LEPR: variants seen among roughly 807,000 people sequenced by gnomAD.
LEPR encodes OB receptor.
LEPR carries 56 observed loss-of-function variants against 114.7 expected under a neutral mutation model. The ratio of observed to expected loss-of-function variants is 0.49; its 90% CI spans 0.39 to 0.61. The LOEUF (loss-of-function observed/expected upper bound fraction) is 0.61, where lower values mean the gene tolerates loss of function less well. Among genes scored for constraint, LEPR ranks in the 20% least tolerant of loss-of-function variants. The pLI is 0.00. For synonymous variants in LEPR, 443 were observed against 461.4 expected (o/e 0.96, Z 0.51); for missense variants, 1,202 against 1,352.9 (o/e 0.89, Z 1.75).
intron 2 of LEPR, among the ~76,000 whole-genome samples, chr1:65,484,374 A>G (rs1647367130): frequency 6.6e-6 from 1 of 152,190 alleles, no homozygotes; most frequent in African/African-American, 2.4e-5. Flanking sequence ...TTTGTTACAT[A>G]TACATGCCTC....
chr1:65,496,203 T>A (rs78109122), intron 2 of LEPR, among the ~76,000 whole-genome samples: 7,212 of 152,188 alleles, frequency 0.047, 551 homozygotes, highest in African/African-American at 0.16. Context: ...CAATTTTTTT[T>A]AAAAAGCCAC....
intron 2 of LEPR, chr1:65,432,663 T>C: frequency 1.0e-6 from 1 of 983,788 alleles, no homozygotes. Context: ...TTATGAAAAG[T>C]GTTCTCAGAA....
At chr1:65,569,895 T>C (rs190396358) in intron 3 of LEPR, among the ~76,000 whole-genome samples, 1 of 152,124 alleles carries the variant, frequency 6.6e-6, no homozygotes, top group East Asian at 1.9e-4. Flanking sequence ...GCATGTCTTA[T>C]ATGATGATGT....
chr1:65,431,293 A>G (rs1646479918), intron 2 of LEPR, among the ~76,000 whole-genome samples: 1 of 152,208 alleles, frequency 6.6e-6, no homozygotes, highest in Admixed American at 6.5e-5. Context: ...AATGCCCACT[A>G]GAGGGTACTC....
chr1:65,545,076 G>A lies in LEPR; in HGVS notation c.-20-20470G>A, dbSNP rs1210980900. ...GCGGTGTTTGGTTTTTTGTTCTTGC[G>A]ATAGTTTACTGAGAATGATGATTTC... On this transcript the variant is annotated intron_variant, in intron 2 of 19. Coordinates refer to ENST00000349533, the MANE Select transcript of LEPR (RefSeq NM_002303.6). Among the ~76,000 whole-genome samples the A allele has an allele frequency of 1.2e-4, 18 of 150,242 alleles. No individual in the cohort carries two copies. The East Asian group carries it at 2.0e-3, about 16-fold the overall frequency.
At chr1:65,459,096 C>T (rs1471236983) in intron 2 of LEPR, among the ~76,000 whole-genome samples, 1 of 152,162 alleles carries the variant, frequency 6.6e-6, no homozygotes, top group African/African-American at 2.4e-5. Context: ...TGCATGTATT[C>T]CTGTCTGTCT....
At chr1:65,514,880 G>A (rs1381134596) in intron 2 of LEPR, among the ~76,000 whole-genome samples, 5 of 152,144 alleles carry the variant, frequency 3.3e-5, no homozygotes, top group African/African-American at 7.2e-5. Context: ...AGGAAATAGC[G>A]AAACAACATT....
chr1:65,470,221 C>A (rs1240228404), intron 2 of LEPR, among the ~76,000 whole-genome samples: 2 of 152,142 alleles, frequency 1.3e-5, no homozygotes, highest in Non-Finnish European at 2.9e-5. Flanking sequence ...TTTAATAGCC[C>A]AAGAGGGGCT....
At chr1:65,545,196 C>T (rs1372540775) in intron 2 of LEPR, among the ~76,000 whole-genome samples, 4 of 146,706 alleles carry the variant, frequency 2.7e-5, no homozygotes, top group Non-Finnish European at 6.1e-5. Context: ...TTTCTTAATC[C>T]AGTCTATCAT....
At chr1:65,597,983 A>G (rs971744712) in intron 7 of LEPR, among the ~76,000 whole-genome samples, 14 of 151,822 alleles carry the variant, frequency 9.2e-5, no homozygotes, top group African/African-American at 3.4e-4. Flanking sequence ...AGTCTGTGAC[A>G]TGCTCCCCTT....
Position 65,570,552 on chromosome 1 carries a change from A to C in LEPR, c.120A>C (p.Pro40=). 6.2e-7 allele frequency: 1 copy of C among 1,614,034 alleles called. No individual in the cohort carries two copies. The highest frequency in any genetic ancestry group is 1.1e-5 in the South Asian group (1 of 91,074). ...GATTTAAGTTGTCTTGCATGCCACC[A>C]AATTCAACCTATGACTACTTCCTTT... The part of the protein sequence containing the change: ...PWRFKLSCMP[P]NSTYDYFLLP... The change falls in exon 4 of 20, where the codon CCA becomes CCC. Residue 40 remains proline, a synonymous_variant. Coordinates refer to ENST00000349533, the MANE Select transcript of LEPR (RefSeq NM_002303.6).
At chr1:65,460,760 T>G (rs1032864543) in intron 2 of LEPR, among the ~76,000 whole-genome samples, 1 of 151,708 alleles carries the variant, frequency 6.6e-6, no homozygotes, top group Non-Finnish European at 1.5e-5. Context: ...GAGAATCGCT[T>G]TCACCCGGGA....
At chr1:65,459,470 A>G (rs1646917896) in intron 2 of LEPR, among the ~76,000 whole-genome samples, 2 of 152,152 alleles carry the variant, frequency 1.3e-5, no homozygotes, top group Admixed American at 1.3e-4. Flanking sequence ...TCTTCTACCT[A>G]TCTCACATGC....
At chr1:65,500,426 C>T (rs1648388163) in intron 2 of LEPR, among the ~76,000 whole-genome samples, 1 of 152,118 alleles carries the variant, frequency 6.6e-6, no homozygotes, top group South Asian at 2.1e-4. Flanking sequence ...TGAGTTTGAA[C>T]AGTGCAGTTT....
intron 19 of LEPR, among the ~76,000 whole-genome samples, chr1:65,631,568 G>A (rs1034202115): frequency 5.3e-5 from 8 of 151,858 alleles, no homozygotes; most frequent in Non-Finnish European, 1.2e-4. Context: ...GTCTGTATTT[G>A]ACTCATTTAC....
At chr1:65,627,608 A>T (rs1194649843) in intron 19 of LEPR, among the ~76,000 whole-genome samples, 1 of 152,184 alleles carries the variant, frequency 6.6e-6, no homozygotes, top group Non-Finnish European at 1.5e-5. Context: ...ATTCCTAGGT[A>T]TGTACTCAAT....
chr1:65,592,476 A>T (rs1655768826), intron 5 of LEPR, among the ~76,000 whole-genome samples, 181 bp from the exon 6 acceptor site: 1 of 149,384 alleles, frequency 6.7e-6, no homozygotes, highest in South Asian at 2.1e-4. Flanking sequence ...GTTATTCCTG[A>T]TGATTAACCT....
intron 2 of LEPR, among the ~76,000 whole-genome samples, chr1:65,519,082 CCT>C: frequency 1.4e-5 from 2 of 146,478 alleles, no homozygotes; most frequent in Non-Finnish European, 3.0e-5. Context: ...TTCCTTCTCT[CCT>C]TCCTTCCATC....
chr1:65,427,536 G>T (rs1646403272), intron 2 of LEPR, among the ~76,000 whole-genome samples: 1 of 152,296 alleles, frequency 6.6e-6, no homozygotes, highest in Non-Finnish European at 1.5e-5. Context: ...TCCAGCCTGG[G>T]CGACAGAGTG....
Sources: gnomAD v4.1 joint callset for allele counts (sites outside exome capture counted in the v4.1 genomes callset) on GRCh38, gnomAD v4.1.1 for gene constraint, MANE v1.5 for transcripts, NCBI Gene and HGNC (gene_info 2026-07-23, HGNC 2026-07-21) for gene names.